Variants in CPQ observed in about 807,000 individuals in gnomAD.
CPQ encodes Ser-Met dipeptidase.
Under a neutral mutation model 45.7 loss-of-function variants are expected in CPQ, and 37 were observed. The observed-to-expected ratio is 0.81, with a 90% CI of 0.62 to 1.07. The LOEUF is 1.07. Ranked by LOEUF, CPQ falls within the 50% of genes least tolerant of loss-of-function variation. The pLI is 0.00. For synonymous variants in CPQ, 186 were observed against 205.8 expected, an observed-to-expected ratio of 0.90 and a Z score of 0.82; for missense variants, 537 against 572.9, an observed-to-expected ratio of 0.94 and a Z score of 0.64.
intron 5 of CPQ, among the ~76,000 whole-genome samples, chr8:96,999,630 G>A (rs888077041): frequency 6.6e-6 from 1 of 151,544 alleles, no homozygotes; most frequent in Non-Finnish European, 1.5e-5. Context: ...TTTCTTTATC[G>A]AGCCTAACAT....
At chr8:96,793,000 C>T (rs1050516225) in intron 2 of CPQ, among the ~76,000 whole-genome samples, 1 of 152,020 alleles carries the variant, frequency 6.6e-6, no homozygotes, top group Non-Finnish European at 1.5e-5. Context: ...TGAGAATTCA[C>T]TCACTATCAC....
In CPQ at chr8:96,953,358, C is replaced by T. The variant is rs1289721222; in HGVS notation, c.850-12577C>T. On this transcript the variant is annotated intron_variant, in intron 4 of 7. Transcript: ENST00000220763. ...GCTTATCCTCTGGGGAGTACTGTTCCCTTGTGGGACTGCTCAGGTTTATTC... is the reference window on the plus strand; with the variant it reads ...GCTTATCCTCTGGGGAGTACTGTTCTCTTGTGGGACTGCTCAGGTTTATTC... 2.0e-5 allele frequency among the ~76,000 whole-genome samples: 3 copies of T among 152,060 alleles called. No homozygotes were observed. The East Asian group carries it at 5.8e-4, about 29-fold the overall frequency.
intron 6 of CPQ, among the ~76,000 whole-genome samples, chr8:97,053,204 G>A (rs988055267): frequency 1.3e-5 from 2 of 152,138 alleles, no homozygotes; most frequent in African/African-American, 4.8e-5. Context: ...GTCAGCACAT[G>A]TTTACTGAGA....
chr8:96,897,634 T>A (rs990267683), intron 4 of CPQ, among the ~76,000 whole-genome samples: 2 of 152,184 alleles, frequency 1.3e-5, no homozygotes, highest in Admixed American at 6.5e-5. Context: ...ATAAGGTGTA[T>A]AAGAAACATA....
intron 4 of CPQ, among the ~76,000 whole-genome samples, chr8:96,930,573 G>A (rs1173292919): frequency 2.6e-5 from 4 of 152,100 alleles, no homozygotes; most frequent in Admixed American, 2.0e-4. Flanking sequence ...TATTTTACTG[G>A]AAGTATAATG....
chr8:96,827,747 G>A (rs1165169525), intron 2 of CPQ, among the ~76,000 whole-genome samples: 2 of 151,976 alleles, frequency 1.3e-5, no homozygotes, highest in Non-Finnish European at 2.9e-5. Context: ...AAGTTAAGTA[G>A]CTTATTCAGG....
intron 7 of CPQ, among the ~76,000 whole-genome samples, chr8:97,141,577 G>A (rs941815528): frequency 2.0e-5 from 3 of 152,142 alleles, no homozygotes; most frequent in African/African-American, 2.4e-5. Context: ...TACTAACAGT[G>A]TAAGTGTAAA....
intron 3 of CPQ, among the ~76,000 whole-genome samples, chr8:96,872,999 A>G (rs182887625): frequency 3.3e-5 from 5 of 151,958 alleles, no homozygotes; most frequent in Non-Finnish European, 5.9e-5. Flanking sequence ...TTAAATACCA[A>G]ACAGTTTTAT....
At chr8:96,883,182 G>T (rs975304836) in intron 4 of CPQ, among the ~76,000 whole-genome samples, 2 of 152,178 alleles carry the variant, frequency 1.3e-5, no homozygotes, top group Admixed American at 6.5e-5. Flanking sequence ...AGCAATTGAT[G>T]GATATGTGGG....
chr8:96,886,936 A>G (rs1812313652), intron 4 of CPQ, among the ~76,000 whole-genome samples: 1 of 152,168 alleles, frequency 6.6e-6, no homozygotes, highest in Non-Finnish European at 1.5e-5. Context: ...AGCACCCCTG[A>G]AGGAGTTTCA....
chr8:97,054,169 AAAATGT>A (rs74897951), intron 6 of CPQ, among the ~76,000 whole-genome samples: 1 of 152,218 alleles, frequency 6.6e-6, no homozygotes, highest in Non-Finnish European at 1.5e-5. Context: ...AACATATGAA[AAAATGT>A]TCAACATCAC....
At chr8:96,966,099 T>C (rs1813555383) in intron 5 of CPQ, 53 bp downstream of exon 5, 1 of 1,312,302 alleles carries the variant, frequency 7.6e-7, no homozygotes, top group East Asian at 2.3e-5. Context: ...GTGACATGTT[T>C]AACTCAAAAC....
chr8:96,904,863 C>T (rs570329557), intron 4 of CPQ, among the ~76,000 whole-genome samples: 1 of 152,180 alleles, frequency 6.6e-6, no homozygotes, highest in African/African-American at 2.4e-5. Context: ...TCTGAACAGC[C>T]CCTCTTGGTA....
At chr8:97,016,732 G>A (rs1383190907) in intron 5 of CPQ, among the ~76,000 whole-genome samples, 4 of 152,162 alleles carry the variant, frequency 2.6e-5, no homozygotes, top group Admixed American at 6.6e-5. Flanking sequence ...ATGAATAGGA[G>A]TTTCCTAGAT....
chr8:96,712,897 A>G (rs1241080413), intron 1 of CPQ, among the ~76,000 whole-genome samples: 2 of 151,994 alleles, frequency 1.3e-5, no homozygotes, highest in Non-Finnish European at 2.9e-5. Flanking sequence ...CTATTGCATC[A>G]TTAGGCTGTA....
chr8:96,937,747 T>C (rs1426017879), intron 4 of CPQ, among the ~76,000 whole-genome samples: 1 of 152,184 alleles, frequency 6.6e-6, no homozygotes, highest in Non-Finnish European at 1.5e-5. Context: ...GTCGAGCGAC[T>C]CTAGAGGTGT....
intron 2 of CPQ, among the ~76,000 whole-genome samples, chr8:96,800,791 A>G (rs911869564): frequency 6.6e-6 from 1 of 152,230 alleles, no homozygotes; most frequent in Non-Finnish European, 1.5e-5. Context: ...GCAAGAAGAT[A>G]TACAATCAAA....
chr8:96,759,283 C>T (rs1405847463), intron 1 of CPQ, among the ~76,000 whole-genome samples: 3 of 152,078 alleles, frequency 2.0e-5, no homozygotes, highest in Non-Finnish European at 4.4e-5. Flanking sequence ...TCCCTTTCCC[C>T]CAAACCTCCA....
At chr8:96,719,189 GAGGCTC>G (rs1179014283) in intron 1 of CPQ, among the ~76,000 whole-genome samples, 3 of 152,216 alleles carry the variant, frequency 2.0e-5, no homozygotes, top group Non-Finnish European at 4.4e-5. Context: ...GAGGGGGTGG[GAGGCTC>G]AGGCATGGCG....
Sources: allele counts gnomAD v4.1 joint callset (sites outside exome capture counted in the v4.1 genomes callset), GRCh38; gene constraint gnomAD v4.1.1; transcripts MANE v1.5; gene names NCBI Gene and HGNC (gene_info 2026-07-23, HGNC 2026-07-21).